The following YARS2 variants were observed in gnomAD, a reference collection of about 807,000 sequenced individuals.
YARS2 encodes the protein tyrosyl-tRNA synthetase 2.
In YARS2, 38 loss-of-function variants were observed where a neutral mutation model predicts 45.0. The observed-to-expected ratio is 0.84, with a 90% CI of 0.65 to 1.11. YARS2 has a LOEUF of 1.11. Ranked by LOEUF, YARS2 falls within the 50% of genes least tolerant of loss-of-function variation. YARS2 has a pLI of 0.00. For synonymous variants in YARS2, 287 were observed against 245.1 expected, an observed-to-expected ratio of 1.17 and a Z score of -1.60; for missense variants, 602 against 599.8, an observed-to-expected ratio of 1.00 and a Z score of -0.04.
rs1471895145 is a variant in YARS2, at chr12:32,750,195, A to C, written c.1104-88T>G. 3 of 1,534,956 alleles carry C rather than the reference A, an allele frequency of 2.0e-6. No homozygotes were observed. In the African/African-American group the frequency reaches 4.1e-5, roughly 21 times the overall value. On this transcript the variant is annotated intron_variant, in intron 3 of 4. Transcript: ENST00000324868. The stretch of plus-strand genomic sequence containing the variant: ...CCATTAACCAATTATAGAGTGTCCA[A>C]GTTCTAGACTAAAAGTTTTTTTTTG...
At chr12:32,753,660 A>G (rs1955790240) in intron 2 of YARS2, among the ~76,000 whole-genome samples, 1 of 152,194 alleles carries the variant, frequency 6.6e-6, no homozygotes, top group Admixed American at 6.5e-5. Context: ...CAGGTGATAA[A>G]ATCCTAAGAA....
Position 32,754,048 on chromosome 12 carries a change from G to C in YARS2, c.817C>G (p.Leu273Val). 1 of 1,614,198 alleles carries C rather than the reference G, an allele frequency of 6.2e-7. No homozygotes were observed. Among genetic ancestry groups the C allele is most frequent in the Non-Finnish European group, 8.5e-7 (1 of 1,180,040 alleles). ...TTTGCTCCAGTTGTACTTGTAATTAGAGGAACGGTGATTCCAAATACATCT... is the reference window on the plus strand; with the variant it reads ...TTTGCTCCAGTTGTACTTGTAATTACAGGAACGGTGATTCCAAATACATCT... ...GEDVFGITVP[L>V]ITSTTGAKLG... Residue 273 changes from leucine to valine, a missense_variant, in exon 2 of 5, where the codon CTA (leucine) becomes GTA (valine). Physicochemically the swap from Leu to Val is conservative, Grantham distance 32 (BLOSUM62 1). Transcript: ENST00000324868.
chr12:32,747,264 T>A lies in YARS2; in HGVS notation c.1374A>T (p.Gly458=). 1.2e-6 allele frequency: 2 copies of A among 1,613,880 alleles called. No homozygotes were observed. Among genetic ancestry groups the A allele is most frequent in the Non-Finnish European group, 1.7e-6 (2 of 1,179,806 alleles). The part of the protein sequence containing the change: ...LIVGQHILKN[G]LSLLKIGKRN... ...TTTTTCCTATTTTAAGTAAGGAAAG[T>A]CCATTCTTGAGAATATGTTGTCCAA... Residue 458 remains glycine (G), a synonymous_variant, in exon 5 of 5, where the codon GGA becomes GGT. Coordinates refer to ENST00000324868, the MANE Select transcript of YARS2 (RefSeq NM_001040436.3).
At chr12:32,753,772 T>C in intron 2 of YARS2, 146 bp downstream of exon 2, 2 of 1,069,304 alleles carry the variant, frequency 1.9e-6, no homozygotes, top group South Asian at 2.7e-5. Context: ...ACAGTAAAAA[T>C]TAGTCTTCTA....
At chr12:32,747,439 T>G in intron 4 of YARS2, 76 bp from the exon 5 acceptor site, 1 of 1,504,118 alleles carries the variant, frequency 6.6e-7, no homozygotes, top group Admixed American at 1.7e-5. Context: ...ACTGTTTCAC[T>G]TAGATTTCAG....
In YARS2 at chr12:32,747,280, T is replaced by C. The variant is rs1208966976; in HGVS notation, c.1358A>G (p.His453Arg). The part of the protein sequence containing the change: ...NPESVLIVGQ[H>R]ILKNGLSLLK... ...TAAGGAAAGTCCATTCTTGAGAATATGTTGTCCAACAATTAAAACACTCTC... is the reference window on the plus strand; with the variant it reads ...TAAGGAAAGTCCATTCTTGAGAATACGTTGTCCAACAATTAAAACACTCTC... The change falls in exon 5 of 5, where the codon CAT becomes CGT. Residue 453 changes from histidine (H) to arginine (R), a missense_variant. Physicochemically the swap from His to Arg is conservative, Grantham distance 29. Coordinates refer to ENST00000324868, the MANE Select transcript of YARS2 (RefSeq NM_001040436.3). The C allele has an allele frequency of 6.2e-7, 1 of 1,614,000 alleles. No individual in the cohort carries two copies. The highest frequency in any genetic ancestry group is 8.5e-7 in the Non-Finnish European group (1 of 1,179,876).
chr12:32,755,386 G>C lies in YARS2; in HGVS notation c.489C>G (p.Arg163=). ...ANHQQLFTDG[R]SWGSFTVLDN... is the part of the protein sequence containing the mutation. ...CCAGCACAGTGAAGCTGCCCCAGGA[G>C]CGCCCATCAGTGAAAAGCTGCTGGT... The change falls in exon 1 of 5, where the codon CGC becomes CGG. Residue 163 remains arginine, a synonymous_variant. Coordinates refer to ENST00000324868, the MANE Select transcript of YARS2 (RefSeq NM_001040436.3). 6.2e-7 allele frequency: 1 copy of C among 1,613,952 alleles called. No homozygotes were observed. The highest frequency in any genetic ancestry group is 8.5e-7 in the Non-Finnish European group (1 of 1,180,040).
At position 32,750,825 on chromosome 12, in the gene YARS2, T is replaced by G. The variant is rs771048061; in HGVS notation, c.997A>C (p.Met333Leu). ...FLPLPEIDHI[M>L]QLHVKEPERR... ...TCTGGCTCTTTGACATGCAGCTGCA[T>G]GATATGATCAATCTCTGGAAGGGGC... The change falls in exon 3 of 5, where the codon ATG becomes CTG. Residue 333 changes from methionine to leucine, a missense_variant. Physicochemically the swap from Met to Leu is conservative, Grantham distance 15. Coordinates refer to ENST00000324868, the MANE Select transcript of YARS2 (RefSeq NM_001040436.3). 2.5e-6 allele frequency: 4 copies of G among 1,614,224 alleles called. No homozygotes were observed. The highest frequency in any genetic ancestry group is 8.5e-7 in the Non-Finnish European group (1 of 1,180,040).
rs1955826939 is a variant in YARS2 at position 32,755,309 on chromosome 12, AC to A, written c.565del (p.Val189TrpfsTer11). On this transcript the variant is annotated frameshift_variant, in exon 1 of 5. Transcript: ENST00000324868. LOFTEE classifies it high-confidence loss of function. Reference sequence around the variant, plus strand: ...CGTCCCCATGCGGAAGTGACCCCCCACTGCCGCCAGGAAGTCCACCAGGTGC... The same window carrying A: ...CGTCCCCATGCGGAAGTGACCCCCCATGCCGCCAGGAAGTCCACCAGGTGC... ...KQHLVDFLAA[V>X]GGHFRMGTLL... The A allele has an allele frequency of 6.2e-7, 1 of 1,613,874 alleles. No homozygotes were observed. Among genetic ancestry groups the A allele is most frequent in the Non-Finnish European group, 8.5e-7 (1 of 1,180,028 alleles).
chr12:32,750,835 A>G lies in YARS2; in HGVS notation c.987T>C (p.Ile329=), dbSNP rs774823989. 4 of 1,614,138 alleles carry G rather than the reference A, an allele frequency of 2.5e-6. No individual in the cohort carries two copies. The highest frequency in any genetic ancestry group is 3.3e-5 in the Admixed American group (2 of 60,022). Residue 329 remains isoleucine (I), a synonymous_variant, in exon 3 of 5, where the codon ATT becomes ATC. Transcript: ENST00000324868. ...TGACATGCAGCTGCATGATATGATC[A>G]ATCTCTGGAAGGGGCAGGAAAGTGA... ...KLFTFLPLPE[I]DHIMQLHVKE...
At chr12:32,747,484 G>A in intron 4 of YARS2, 121 bp from the exon 5 acceptor site, 3 of 974,600 alleles carry the variant, frequency 3.1e-6, no homozygotes, top group Non-Finnish European at 4.8e-6. Flanking sequence ...ATTTGGCACT[G>A]GACTGTTACC....
intron 1 of YARS2, 80 bp downstream of exon 1, chr12:32,755,016 C>T: frequency 1.3e-6 from 2 of 1,580,014 alleles, no homozygotes; most frequent in Non-Finnish European, 1.7e-6. Context: ...GCAGCAACTA[C>T]AATCCTAAGA....
In YARS2 at chr12:32,755,332, G is replaced by C. The variant is rs545179477; in HGVS notation, c.543C>G (p.His181Gln). 9 of 1,614,120 alleles carry C rather than the reference G, an allele frequency of 5.6e-6. No homozygotes were observed. In the Middle Eastern group the frequency reaches 1.2e-3, roughly 207 times the overall value. ...CCACTGCCGCCAGGAAGTCCACCAGGTGCTGCTTCTGGTACCAGGCCGAGT... is the reference window on the plus strand; with the variant it reads ...CCACTGCCGCCAGGAAGTCCACCAGCTGCTGCTTCTGGTACCAGGCCGAGT... The part of the protein sequence containing the change: ...LDNSAWYQKQ[H>Q]LVDFLAAVGG... Residue 181 changes from histidine (H) to glutamine (Q), a missense_variant, in exon 1 of 5, where the codon CAC becomes CAG. Coordinates refer to ENST00000324868, the MANE Select transcript of YARS2 (RefSeq NM_001040436.3).
In YARS2 at chr12:32,755,164, T is replaced by C. The variant is rs375031773; in HGVS notation, c.711A>G (p.Gly237=). ...CAGATCCGCCCAGCTGGACCCTGCA[T>C]CCATAACGCTGGAAGAGGTAATAGA... ...YDFYYLFQRY[G]CRVQLGGSDQ... is the part of the protein sequence containing the mutation. Residue 237 remains glycine, a synonymous_variant, in exon 1 of 5, where the codon GGA becomes GGG. Transcript: ENST00000324868. 1.9e-6 allele frequency: 3 copies of C among 1,614,046 alleles called. No homozygotes were observed. The highest frequency in any genetic ancestry group is 2.5e-6 in the Non-Finnish European group (3 of 1,180,050).
intron 4 of YARS2, among the ~76,000 whole-genome samples, chr12:32,749,158 T>G (rs777245703): frequency 6.6e-6 from 1 of 152,236 alleles, no homozygotes; most frequent in African/African-American, 2.4e-5. Context: ...CATTATATGC[T>G]CATTTCATTT....
Position 32,750,049 on chromosome 12 carries a change from CCTGATCAGACATGACCTCCAGTGCATCTA to C in YARS2, c.1133_1161del (p.Ile378ArgfsTer7). ...GCTTCTTTAAACAACTCTTTTAACT[CCTGATCAGACATGACCTCCAGTGCATCTA>C]TGCTACTGTGATAAAGGGCTTGTGT... On this transcript the variant is annotated frameshift_variant, in exon 4 of 5. Coordinates refer to ENST00000324868, the MANE Select transcript of YARS2 (RefSeq NM_001040436.3). LOFTEE classifies it high-confidence loss of function. 6.2e-7 allele frequency: 1 copy of C among 1,614,132 alleles called. No individual in the cohort carries two copies. The highest frequency in any genetic ancestry group is 1.1e-5 in the South Asian group (1 of 91,080).
chr12:32,753,832 C>A, intron 2 of YARS2, 86 bp downstream of exon 2: 1 of 1,562,664 alleles, frequency 6.4e-7, no homozygotes, highest in East Asian at 2.2e-5. Flanking sequence ...AACAAAAAAA[C>A]TATAAAATGT....
chr12:32,750,142 A>C (rs753357287), intron 3 of YARS2, 35 bp from the exon 4 acceptor site: 12 of 1,611,320 alleles, frequency 7.4e-6, no homozygotes, highest in Non-Finnish European at 9.3e-6. Flanking sequence ...CATCATATAA[A>C]TGTTTATTCA....
chr12:32,752,553 G>A (rs181906252), intron 2 of YARS2, among the ~76,000 whole-genome samples: 7 of 151,904 alleles, frequency 4.6e-5, no homozygotes, highest in African/African-American at 1.7e-4. Context: ...TCAGGAGTTC[G>A]AGACCAGCCT....
Sources: gnomAD v4.1 joint callset for allele counts (sites outside exome capture counted in the v4.1 genomes callset) on GRCh38, gnomAD v4.1.1 for gene constraint, MANE v1.5 for transcripts, NCBI Gene and HGNC (gene_info 2026-07-23, HGNC 2026-07-21) for gene names.